The following PDE12 variants were observed in gnomAD, a reference collection of about 807,000 sequenced individuals.
PDE12 encodes the protein 2',5'-phosphodiesterase 12.
Under a neutral mutation model 45.4 loss-of-function variants are expected in PDE12, and 26 were observed. The observed-to-expected ratio is 0.57, with a 90% CI of 0.42 to 0.79. The LOEUF (loss-of-function observed/expected upper bound fraction) is 0.79, where lower values mean the gene tolerates loss of function less well. Ranked by LOEUF, PDE12 falls within the 30% of genes least tolerant of loss-of-function variation. PDE12 has a pLI of 0.00. For synonymous variants in PDE12, 283 were observed against 323.9 expected (o/e 0.87, Z 1.36); for missense variants, 668 against 790.0 (o/e 0.85, Z 1.85).
chr3:57,652,028 T>C, the PDE12 span, among the ~76,000 whole-genome samples: 1 of 152,002 alleles, frequency 6.6e-6, no homozygotes, highest in Non-Finnish European at 1.5e-5. Flanking sequence ...CAAGACACCC[T>C]CTCTACAAAA....
chr3:57,600,322 G>A, the PDE12 span, among the ~76,000 whole-genome samples: 1 of 151,998 alleles, frequency 6.6e-6, no homozygotes, highest in African/African-American at 2.4e-5. Context: ...ACTGTTCCCG[G>A]CCAAATTCTT....
At chr3:57,654,808 C>T in the PDE12 span, 2 of 980,062 alleles carry the variant, frequency 2.0e-6, no homozygotes, top group African/African-American at 1.8e-5. Context: ...CTTTACTTTG[C>T]TTTCAAGCTC....
At chr3:57,616,011 A>T in the PDE12 span, among the ~76,000 whole-genome samples, 1 of 152,026 alleles carries the variant, frequency 6.6e-6, no homozygotes, top group South Asian at 2.1e-4. Context: ...TTCTTGAAAG[A>T]CAAACTGCCA....
the PDE12 span, chr3:57,630,411 GT>G: frequency 1.9e-6 from 3 of 1,574,176 alleles, no homozygotes; most frequent in Non-Finnish European, 2.6e-6. Flanking sequence ...CAAACACACA[GT>G]TTTCGAACCT....
At chr3:57,604,416 G>T in the PDE12 span, among the ~76,000 whole-genome samples, 1 of 151,810 alleles carries the variant, frequency 6.6e-6, no homozygotes, top group East Asian at 1.9e-4. Flanking sequence ...TATCTATATG[G>T]TTCTCAAATT....
chr3:57,585,657 T>C, the PDE12 span, among the ~76,000 whole-genome samples: 1 of 128,100 alleles, frequency 7.8e-6, no homozygotes, highest in Admixed American at 1.0e-4. Flanking sequence ...ATAAGTAATA[T>C]CTAAATTCTT....
chr3:57,578,720 C>A, the PDE12 span, among the ~76,000 whole-genome samples: 1 of 152,110 alleles, frequency 6.6e-6, no homozygotes, highest in Non-Finnish European at 1.5e-5. Flanking sequence ...CTCAAGTGAT[C>A]CACCCATCTT....
At chr3:57,596,257 C>T in the PDE12 span, among the ~76,000 whole-genome samples, 1 of 152,134 alleles carries the variant, frequency 6.6e-6, no homozygotes, top group Admixed American at 6.5e-5. Flanking sequence ...CCATAAAATT[C>T]AGCGTCATGA....
At chr3:57,557,761 G>A in intron 1 of PDE12, 74 bp downstream of exon 1, 1 of 1,331,472 alleles carries the variant, frequency 7.5e-7, no homozygotes, top group Non-Finnish European at 1.0e-6. Flanking sequence ...ATGAGGTGGG[G>A]GTTAAAAGTG....
chr3:57,580,929 A>G, the PDE12 span, among the ~76,000 whole-genome samples: 1 of 152,086 alleles, frequency 6.6e-6, no homozygotes, highest in Admixed American at 6.6e-5. Flanking sequence ...TTAAAATGCA[A>G]ATAATGCTAT....
the PDE12 span, among the ~76,000 whole-genome samples, chr3:57,644,686 G>T: frequency 9.6e-6 from 1 of 103,948 alleles, no homozygotes. Context: ...GGGCAACAGG[G>T]AAGGGAGGGG....
chr3:57,637,842 C>T, the PDE12 span, among the ~76,000 whole-genome samples: 1 of 150,438 alleles, frequency 6.6e-6, no homozygotes, highest in Non-Finnish European at 1.5e-5. Context: ...AAATTATAAA[C>T]TCCTGTGCAC....
the PDE12 span, among the ~76,000 whole-genome samples, chr3:57,654,252 G>A: frequency 6.6e-6 from 1 of 151,988 alleles, no homozygotes; most frequent in African/African-American, 2.4e-5. Context: ...ACCGTGCCCA[G>A]CCAGAAATTC....
chr3:57,585,133 G>A, the PDE12 span, among the ~76,000 whole-genome samples: 2 of 152,014 alleles, frequency 1.3e-5, no homozygotes, highest in Non-Finnish European at 2.9e-5. Context: ...CAATGTGCTG[G>A]GATTACAAGC....
At chr3:57,614,473 A>G in the PDE12 span, among the ~76,000 whole-genome samples, 1 of 151,470 alleles carries the variant, frequency 6.6e-6, no homozygotes, top group Admixed American at 6.6e-5. Context: ...TCAAGAAGTC[A>G]TTATATAAAA....
At chr3:57,578,537 T>C in the PDE12 span, among the ~76,000 whole-genome samples, 1 of 151,744 alleles carries the variant, frequency 6.6e-6, no homozygotes, top group East Asian at 1.9e-4. Context: ...AGGAGCACAG[T>C]AGCACAATCT....
At chr3:57,589,459 C>T in the PDE12 span, among the ~76,000 whole-genome samples, 1 of 152,202 alleles carries the variant, frequency 6.6e-6, no homozygotes, top group African/African-American at 2.4e-5. Context: ...GTGGCTCACA[C>T]CTGTAATCCC....
the PDE12 span, among the ~76,000 whole-genome samples, chr3:57,653,941 CTTTTTTTTT>C: frequency 5.3e-5 from 4 of 75,822 alleles, no homozygotes; most frequent in South Asian, 1.0e-3. Context: ...TAGAAATTCA[CTTTTTTTTT>C]TTTTTTTTTT....
At chr3:57,589,019 T>C in the PDE12 span, among the ~76,000 whole-genome samples, 1 of 151,916 alleles carries the variant, frequency 6.6e-6, no homozygotes, top group African/African-American at 2.4e-5. Flanking sequence ...GGAGAATTGC[T>C]TGAACCTGAG....
Sources: gnomAD v4.1 joint callset for allele counts (sites outside exome capture counted in the v4.1 genomes callset) on GRCh38, gnomAD v4.1.1 for gene constraint, MANE v1.5 for transcripts, NCBI Gene and HGNC (gene_info 2026-07-23, HGNC 2026-07-21) for gene names.